Variants in SETD2 observed in about 807,000 individuals in gnomAD.
The protein encoded by SETD2 is SET domain containing 2, histone lysine methyltransferase, also known as histone-lysine N-methyltransferase SETD2.
SETD2 carries 31 observed loss-of-function variants against 242.1 expected under a neutral mutation model. The ratio of observed to expected loss-of-function variants is 0.13; its 90% CI spans 0.10 to 0.17. The LOEUF (loss-of-function observed/expected upper bound fraction) is 0.17, where lower values mean the gene tolerates loss of function less well. SETD2 is among the 10% of genes least tolerant of loss of function. The pLI is 1.00. For synonymous variants in SETD2, 1,006 were observed against 1,066.5 expected, an observed-to-expected ratio of 0.94 and a Z score of 1.11; for missense variants, 2,481 against 3,046.3, an observed-to-expected ratio of 0.81 and a Z score of 4.37.
intron 10 of SETD2, among the ~76,000 whole-genome samples, chr3:47,086,623 TCTAA>T (rs1443946471): frequency 6.6e-6 from 1 of 152,156 alleles, no homozygotes; most frequent in South Asian, 2.1e-4. Context: ...AAAAATTGCA[TCTAA>T]CTTTTTAAAT....
intron 15 of SETD2, among the ~76,000 whole-genome samples, chr3:47,056,618 A>C (rs545998496): frequency 6.6e-6 from 1 of 152,254 alleles, no homozygotes; most frequent in East Asian, 1.9e-4. Flanking sequence ...AGCCAGATCC[A>C]CCCTGCTAAG....
At chr3:47,126,864 T>C (rs2043344751) in intron 1 of SETD2, among the ~76,000 whole-genome samples, 1 of 152,208 alleles carries the variant, frequency 6.6e-6, no homozygotes, top group Non-Finnish European at 1.5e-5. Context: ...TCACATACTG[T>C]GCTAAGGGCT....
chr3:47,088,341 A>G (rs1434336710), intron 9 of SETD2, 94 bp from the exon 10 acceptor site: 14 of 1,294,322 alleles, frequency 1.1e-5, no homozygotes, highest in African/African-American at 1.5e-5. Flanking sequence ...ATCAATTATC[A>G]GGAAAACACA....
chr3:47,144,792 C>T (rs2043815402), intron 1 of SETD2, among the ~76,000 whole-genome samples: 1 of 151,934 alleles, frequency 6.6e-6, no homozygotes, highest in Non-Finnish European at 1.5e-5. Context: ...AACCCCATGT[C>T]TACAAAAAAT....
rs1697595816 is a variant in SETD2, at chr3:47,164,050, C to T, written c.-126G>A. ...GCGGCGGCGGCGGCGGCGGCAGGGGCGGCCCGCGTCGCTACCTCGCTCGTC... is the reference window on the plus strand; with the variant it reads ...GCGGCGGCGGCGGCGGCGGCAGGGGTGGCCCGCGTCGCTACCTCGCTCGTC... On this transcript the variant is annotated 5_prime_UTR_variant, in exon 1 of 21. Transcript: ENST00000409792. The surrounding 1 kb of genome is among the most constrained non-coding windows in gnomAD (Gnocchi z 5.4). 3 of 1,209,084 alleles carry T rather than the reference C, an allele frequency of 2.5e-6. No individual in the cohort carries two copies. Among genetic ancestry groups the T allele is most frequent in the Non-Finnish European group, 3.1e-6 (3 of 967,974 alleles). 74.9% of individuals were successfully genotyped at this position (1,209,084 alleles called of 1,614,324 possible). A position where few individuals can be genotyped will look rare whatever the true frequency, so the allele number is the denominator to read the frequency against.
chr3:47,150,334 G>A (rs899826847), intron 1 of SETD2, among the ~76,000 whole-genome samples: 16 of 151,918 alleles, frequency 1.1e-4, no homozygotes, highest in Admixed American at 6.6e-4. Flanking sequence ...CACCGTGCGC[G>A]GCCTCAAAAA....
intron 1 of SETD2, among the ~76,000 whole-genome samples, chr3:47,136,416 ACTGCTG>A (rs2106776693): frequency 6.6e-6 from 1 of 152,062 alleles, no homozygotes; most frequent in East Asian, 1.9e-4. Context: ...TCTTCACCAG[ACTGCTG>A]CTTCTCGATA....
At chr3:47,040,354 T>C (rs1048295008) in intron 17 of SETD2, among the ~76,000 whole-genome samples, 2 of 152,156 alleles carry the variant, frequency 1.3e-5, no homozygotes, top group Non-Finnish European at 2.9e-5. Context: ...TTTAAGCTTC[T>C]TTATGTCACA....
chr3:47,139,423 A>G (rs1218868199), intron 1 of SETD2, among the ~76,000 whole-genome samples: 2 of 152,188 alleles, frequency 1.3e-5, no homozygotes, highest in Non-Finnish European at 2.9e-5. Context: ...CTTGACTTGC[A>G]TTTATTGTTC....
chr3:47,035,404 C>G (rs979390157), intron 18 of SETD2, among the ~76,000 whole-genome samples: 1 of 152,220 alleles, frequency 6.6e-6, no homozygotes, highest in Non-Finnish European at 1.5e-5. Flanking sequence ...CCCTTTCTCA[C>G]CAGCTAGCCA....
chr3:47,139,816 T>C (rs540287851), intron 1 of SETD2, among the ~76,000 whole-genome samples: 73 of 152,314 alleles, frequency 4.8e-4, no homozygotes, highest in African/African-American at 1.1e-3. Flanking sequence ...ATCAAAGACA[T>C]TGAAATTTCA....
At chr3:47,077,514 G>A (rs1387713869) in intron 12 of SETD2, among the ~76,000 whole-genome samples, 1 of 152,178 alleles carries the variant, frequency 6.6e-6, no homozygotes, top group African/African-American at 2.4e-5. Context: ...ATTCAAAGGA[G>A]GGTATGGTGT....
intron 1 of SETD2, among the ~76,000 whole-genome samples, chr3:47,142,510 A>G (rs1230274133): frequency 6.6e-6 from 1 of 152,018 alleles, no homozygotes; most frequent in Non-Finnish European, 1.5e-5. Context: ...ATCTAAGTTA[A>G]TTAATTAATT....
chr3:47,071,990 T>A (rs1158152317), intron 12 of SETD2, among the ~76,000 whole-genome samples: 1 of 152,158 alleles, frequency 6.6e-6, no homozygotes, highest in Non-Finnish European at 1.5e-5. Context: ...TTTAGACTGT[T>A]CCTGAGCTAA....
intron 4 of SETD2, among the ~76,000 whole-genome samples, chr3:47,114,871 T>C (rs2042795046): frequency 1.5e-5 from 2 of 131,068 alleles, no homozygotes; most frequent in African/African-American, 6.4e-5. Context: ...AGAGGGAGAC[T>C]GTCTCAAAAA....
At chr3:47,018,012 T>G (rs1034751871) in intron 19 of SETD2, among the ~76,000 whole-genome samples, 2 of 152,186 alleles carry the variant, frequency 1.3e-5, no homozygotes, top group Non-Finnish European at 2.9e-5. Flanking sequence ...ACTTCAATGC[T>G]GAGTCCTTCA....
At chr3:47,132,538 G>C (rs2043504038) in intron 1 of SETD2, among the ~76,000 whole-genome samples, 1 of 152,104 alleles carries the variant, frequency 6.6e-6, no homozygotes, top group Admixed American at 6.6e-5. Context: ...AAGATTCCTT[G>C]ACATCAAAAA....
intron 1 of SETD2, among the ~76,000 whole-genome samples, chr3:47,129,426 TGA>T (rs1489936327): frequency 7.2e-5 from 11 of 152,242 alleles, no homozygotes; most frequent in Non-Finnish European, 1.3e-4. Flanking sequence ...TGCATGCACT[TGA>T]GTGTGGTTTT....
chr3:47,054,261 G>A (rs746099390), intron 15 of SETD2, among the ~76,000 whole-genome samples: 6 of 152,146 alleles, frequency 3.9e-5, no homozygotes, highest in Non-Finnish European at 7.3e-5. Flanking sequence ...TTGGCTCTTA[G>A]GGCTAATGAA....
Sources: allele counts gnomAD v4.1 joint callset (sites outside exome capture counted in the v4.1 genomes callset), GRCh38; gene constraint gnomAD v4.1.1; non-coding constraint Gnocchi (gnomAD v3.1); transcripts MANE v1.5; gene names NCBI Gene and HGNC (gene_info 2026-07-23, HGNC 2026-07-21).